CPSF6: variants seen among roughly 807,000 people sequenced by gnomAD.
CPSF6 encodes cleavage and polyadenylation specificity factor subunit 6.
CPSF6 carries 10 observed loss-of-function variants against 56.7 expected under a neutral mutation model. That is an observed-to-expected ratio of 0.18 (90% CI 0.11 to 0.30). The LOEUF is 0.30. Ranked by LOEUF, CPSF6 falls within the 10% of genes least tolerant of loss-of-function variation. The probability of loss-of-function intolerance (pLI) is 1.00; values close to 1 mark genes in which losing one functional copy is unlikely to be tolerated. For missense variants in CPSF6, 419 were observed against 722.9 expected (o/e 0.58, Z 4.82); for synonymous variants, 248 against 244.8 (o/e 1.01, Z -0.12).
At chr12:69,250,965 C>T (rs760108140) in intron 1 of CPSF6, 164 bp from the exon 2 acceptor site, 11 of 259,258 alleles carry the variant, frequency 4.2e-5, no homozygotes, top group Non-Finnish European at 6.0e-5. Context: ...CTTTTTAGAC[C>T]TGTTCAAGAA....
intron 8 of CPSF6, among the ~76,000 whole-genome samples, 184 bp downstream of exon 8, chr12:69,260,381 G>A (rs564429801): frequency 6.7e-6 from 1 of 149,378 alleles, no homozygotes; most frequent in African/African-American, 2.5e-5. Context: ...CTCCTACTCA[G>A]TCTTAAAGCA....
chr12:69,261,357 C>T (rs1357275170), intron 8 of CPSF6, among the ~76,000 whole-genome samples: 1 of 152,112 alleles, frequency 6.6e-6, no homozygotes, highest in Admixed American at 6.6e-5. Flanking sequence ...ACGTGAGCCC[C>T]AGGAGTTTGA....
At chr12:69,253,834 G>A (rs949287948) in intron 3 of CPSF6, among the ~76,000 whole-genome samples, 3 of 151,830 alleles carry the variant, frequency 2.0e-5, no homozygotes, top group Non-Finnish European at 2.9e-5. Context: ...TTTGGTTATC[G>A]TGGTGGTTTC....
rs1873346509 is a variant in CPSF6 at position 69,273,396 on chromosome 12, G to A, written c.*3888G>A. ...TTAATGTCTTTAAAGACTTCCTGCT[G>A]TATTAACATATTGTAATGGAGTCTT... is the stretch of plus-strand genomic sequence containing the variant. On this transcript the variant is annotated 3_prime_UTR_variant, in exon 10 of 10. Transcript: ENST00000435070. 1 of 185,732 alleles carries A rather than the reference G, an allele frequency of 5.4e-6. No homozygotes were observed. Among genetic ancestry groups the A allele is most frequent in the South Asian group, 9.1e-5 (1 of 10,960 alleles). 11.5% of individuals were successfully genotyped at this position (185,732 alleles called of 1,614,324 possible).
At chr12:69,248,495 A>G (rs951605279) in intron 1 of CPSF6, among the ~76,000 whole-genome samples, 8 of 152,220 alleles carry the variant, frequency 5.3e-5, no homozygotes, top group African/African-American at 1.7e-4. Flanking sequence ...TCTTAAGTGC[A>G]TGGAACTACT....
intron 9 of CPSF6, among the ~76,000 whole-genome samples, chr12:69,262,977 A>G (rs1024944027): frequency 6.6e-6 from 1 of 152,130 alleles, no homozygotes; most frequent in Non-Finnish European, 1.5e-5. Context: ...GAAAGTTACT[A>G]TTTTTGAACT....
intron 3 of CPSF6, 52 bp from the exon 4 acceptor site, chr12:69,256,645 A>G (rs1872521351): frequency 3.9e-6 from 6 of 1,531,122 alleles, no homozygotes; most frequent in South Asian, 1.3e-5. Flanking sequence ...AATAACAGTA[A>G]TAATATTGAT....
Position 69,251,284 on chromosome 12 carries a change from T to G in CPSF6, c.216T>G (p.Val72=), listed in dbSNP as rs78419067. Residue 72 remains valine (V), a synonymous_variant, in exon 2 of 10, where the codon GTT becomes GTG. Coordinates refer to ENST00000435070, the MANE Select transcript of CPSF6 (RefSeq NM_007007.3). Reference sequence around the variant, plus strand: ...TGGGTAAAGGAGCAGCACCAAATGTTGTCTATACATATACTGGAAAGAGAA... The same window carrying G: ...TGGGTAAAGGAGCAGCACCAAATGTGGTCTATACATATACTGGAAAGAGAA... ...DDVGKGAAPN[V]VYTYTGKRIA... The G allele has an allele frequency of 1.9e-3, 2,985 of 1,602,688 alleles. 61 individuals are homozygous for G. In the African/African-American group the frequency reaches 0.035, roughly 19 times the overall value.
chr12:69,270,261 AT>A lies in CPSF6; in HGVS notation c.*756del, dbSNP rs982150559. On this transcript the variant is annotated 3_prime_UTR_variant, in exon 10 of 10. Transcript: ENST00000435070. Reference sequence around the variant, plus strand: ...GGTATGTAAACTTGTAAAAATAGAGATTTGACAGACATAGCAATCTAGTCAA... The same window carrying A: ...GGTATGTAAACTTGTAAAAATAGAGATTGACAGACATAGCAATCTAGTCAA... 5.3e-5 allele frequency: 8 copies of A among 152,242 alleles called. No individual in the cohort carries two copies. Among genetic ancestry groups the A allele is most frequent in the African/African-American group, 1.9e-4 (8 of 41,518 alleles). 9.4% of individuals were successfully genotyped at this position (152,242 alleles called of 1,614,324 possible).
chr12:69,244,104 G>A (rs541025339), intron 1 of CPSF6, among the ~76,000 whole-genome samples: 1 of 152,162 alleles, frequency 6.6e-6, no homozygotes, highest in African/African-American at 2.4e-5. Context: ...ACAGGCGTGA[G>A]CCACTGTGAC....
intron 9 of CPSF6, among the ~76,000 whole-genome samples, chr12:69,266,810 AAG>A (rs1873009575): frequency 6.6e-6 from 1 of 152,136 alleles, no homozygotes; most frequent in Non-Finnish European, 1.5e-5. Context: ...ACTGGGTTGT[AAG>A]AGCAATTATG....
At chr12:69,262,275 G>T in intron 8 of CPSF6, 98 bp from the exon 9 acceptor site, 1 of 1,397,372 alleles carries the variant, frequency 7.2e-7, no homozygotes, top group Non-Finnish European at 9.4e-7. Flanking sequence ...GATTTACAAA[G>T]AATTTTTGCT....
intron 1 of CPSF6, among the ~76,000 whole-genome samples, chr12:69,240,601 C>T (rs540735481): frequency 2.6e-5 from 4 of 152,136 alleles, no homozygotes; most frequent in South Asian, 2.1e-4. Flanking sequence ...AATGAAAGAA[C>T]GTTCACCCCA....
chr12:69,255,688 G>A (rs1038592965), intron 3 of CPSF6, among the ~76,000 whole-genome samples: 7 of 152,098 alleles, frequency 4.6e-5, no homozygotes, highest in Admixed American at 2.0e-4. Context: ...ACAGGCACAC[G>A]CCACCATGCC....
Position 69,262,438 on chromosome 12 carries a change from G to T in CPSF6, c.1535G>T (p.Arg512Leu). 6.2e-7 allele frequency: 1 copy of T among 1,613,592 alleles called. No homozygotes were observed. The highest frequency in any genetic ancestry group is 8.5e-7 in the Non-Finnish European group (1 of 1,179,674). ...SREKSRRHKSRSRDRHDDYYR... is the reference protein window; with the variant it reads ...SREKSRRHKSLSRDRHDDYYR... ...GAAAAGAGTCGACGTCATAAATCCC[G>T]TAGTAGAGACCGTCATGACGATTAT... The change falls in exon 9 of 10, where the codon CGT becomes CTT. Residue 512 changes from arginine to leucine, a missense_variant. Physicochemically the swap from Arg to Leu is moderately radical, Grantham distance 102. Coordinates refer to ENST00000435070, the MANE Select transcript of CPSF6 (RefSeq NM_007007.3).
At chr12:69,239,764 G>T in intron 1 of CPSF6, 58 bp downstream of exon 1, 1 of 1,499,828 alleles carries the variant, frequency 6.7e-7, no homozygotes, top group South Asian at 1.2e-5. Flanking sequence ...CCGGGAAGCT[G>T]ACCCGGGGCC....
rs780030532 is a variant in CPSF6, at chr12:69,261,368, G to A, written c.1470-1005G>A. Among the ~76,000 whole-genome samples, 4 of 152,128 alleles carry A rather than the reference G, an allele frequency of 2.6e-5. No homozygotes were observed. In the East Asian group the frequency reaches 7.7e-4, roughly 29 times the overall value. On this transcript the variant is annotated intron_variant, in intron 8 of 9. Transcript: ENST00000435070. The stretch of plus-strand genomic sequence containing the variant: ...GATCACGTGAGCCCCAGGAGTTTGA[G>A]ACCAGCCTTGGCCACATAAGGAGTT...
rs1210212299 is a variant in CPSF6, at chr12:69,274,245, G to A, written c.*4737G>A. ...GTTTACTTTGTCTTTCCTTTCTTTA[G>A]CATTTAGGTGACTGTTCGGCAGTTT... On this transcript the variant is annotated 3_prime_UTR_variant, in exon 10 of 10. Transcript: ENST00000435070. 2 of 150,240 alleles carry A rather than the reference G, an allele frequency of 1.3e-5. No homozygotes were observed. Among genetic ancestry groups the A allele is most frequent in the East Asian group, 3.9e-4 (2 of 5,130 alleles). The allele number at this position is 150,240 out of a possible 1,614,324, so 9.3% of individuals were successfully genotyped here.
intron 1 of CPSF6, among the ~76,000 whole-genome samples, chr12:69,248,913 A>T (rs1302548845): frequency 6.6e-6 from 1 of 152,060 alleles, no homozygotes; most frequent in Non-Finnish European, 1.5e-5. Context: ...AATATAAATG[A>T]TATTTCCCCT....
Sources: allele counts gnomAD v4.1 joint callset (sites outside exome capture counted in the v4.1 genomes callset), GRCh38; gene constraint gnomAD v4.1.1; transcripts MANE v1.5; gene names NCBI Gene and HGNC (gene_info 2026-07-23, HGNC 2026-07-21).